GMPS: variants seen among roughly 807,000 people sequenced by gnomAD.
The protein encoded by GMPS is guanosine monophosphate synthase, also known as GMP synthase [glutamine-hydrolyzing].
A neutral mutation model predicts 77.9 loss-of-function variants in GMPS; 15 were observed. The observed-to-expected ratio is 0.19, with a 90% confidence interval of 0.13 to 0.30. The LOEUF (loss-of-function observed/expected upper bound fraction) is 0.30, where lower values mean the gene tolerates loss of function less well. Among genes scored for constraint, GMPS ranks in the 10% least tolerant of loss-of-function variants. The pLI is 1.00. For synonymous variants in GMPS, 224 were observed against 275.9 expected, an observed-to-expected ratio of 0.81 and a Z score of 1.86; for missense variants, 590 against 838.8, an observed-to-expected ratio of 0.70 and a Z score of 3.66.
At chr3:155,912,975 G>A (rs1182206484) in intron 7 of GMPS, among the ~76,000 whole-genome samples, 2 of 152,220 alleles carry the variant, frequency 1.3e-5, no homozygotes, top group African/African-American at 2.4e-5. Flanking sequence ...TCAGAACACT[G>A]TGGATGTATT....
At chr3:155,882,231 A>T (rs1212030570) in intron 1 of GMPS, among the ~76,000 whole-genome samples, 2 of 152,252 alleles carry the variant, frequency 1.3e-5, no homozygotes, top group African/African-American at 4.8e-5. Flanking sequence ...TGATAAAATC[A>T]TGGATACAGG....
chr3:155,928,017 C>T (rs1755498760), intron 12 of GMPS, among the ~76,000 whole-genome samples: 1 of 124,900 alleles, frequency 8.0e-6, no homozygotes, highest in Non-Finnish European at 1.6e-5. Context: ...GTGCATTTTA[C>T]ACTTTTTTTT....
intron 1 of GMPS, among the ~76,000 whole-genome samples, chr3:155,879,774 G>T (rs1194767974): frequency 5.6e-5 from 6 of 106,856 alleles, no homozygotes; most frequent in Non-Finnish European, 1.1e-4. Context: ...ACTGTTCCCC[G>T]GGCTGGAGTG....
chr3:155,925,375 T>G lies in GMPS; in HGVS notation c.1560+9T>G, dbSNP rs2108131628. On this transcript the variant is annotated intron_variant, in intron 12 of 15. Coordinates refer to ENST00000496455, the MANE Select transcript of GMPS (RefSeq NM_003875.3). ...AAACTGTAGGTGTGCAGGTGAGTTG[T>G]GTGAATTCATTCACCAGTGATATAC... is the stretch of plus-strand genomic sequence containing the variant. 1.3e-6 allele frequency: 2 copies of G among 1,589,992 alleles called. No homozygotes were observed. The highest frequency in any genetic ancestry group is 2.3e-5 in the South Asian group (2 of 87,100).
chr3:155,884,562 C>T (rs552944394), intron 1 of GMPS, among the ~76,000 whole-genome samples: 15 of 152,118 alleles, frequency 9.9e-5, no homozygotes, highest in South Asian at 8.3e-4. Flanking sequence ...AATTGAAACT[C>T]GAGGGGAAAA....
At chr3:155,888,246 G>A (rs1210399152) in intron 1 of GMPS, among the ~76,000 whole-genome samples, 2 of 146,836 alleles carry the variant, frequency 1.4e-5, no homozygotes, top group South Asian at 2.1e-4. Flanking sequence ...TTTTGTTGGA[G>A]TATGTTTTAG....
At chr3:155,926,308 G>A (rs1755453798) in intron 12 of GMPS, among the ~76,000 whole-genome samples, 1 of 152,108 alleles carries the variant, frequency 6.6e-6, no homozygotes, top group African/African-American at 2.4e-5. Context: ...CACTGTACCC[G>A]GCCTTCTTTA....
In GMPS at chr3:155,911,259, A is replaced by T; in HGVS notation, c.866A>T (p.Lys289Met). ...CAGTCTGTTGAAGAGGCCCTCAAAAAGCTTGGAATTCAGGTCAAAGGTATT... is the reference window on the plus strand; with the variant it reads ...CAGTCTGTTGAAGAGGCCCTCAAAATGCTTGGAATTCAGGTCAAAGGTATT... ...ESQSVEEALK[K>M]LGIQVKVINA... The change falls in exon 7 of 16, where the codon AAG becomes ATG. Residue 289 changes from lysine (K) to methionine (M), a missense_variant. Physicochemically the swap from Lys to Met is moderately conservative, Grantham distance 95. Coordinates refer to ENST00000496455, the MANE Select transcript of GMPS (RefSeq NM_003875.3). 1 of 1,608,390 alleles carries T rather than the reference A, an allele frequency of 6.2e-7. No homozygotes were observed. Among genetic ancestry groups the T allele is most frequent in the Non-Finnish European group, 8.5e-7 (1 of 1,178,016 alleles).
rs370666457 is a variant in GMPS at position 155,889,716 on chromosome 3, A to G, written c.28-3802A>G. On this transcript the variant is annotated intron_variant, in intron 1 of 15. Coordinates refer to ENST00000496455, the MANE Select transcript of GMPS (RefSeq NM_003875.3). ...CATCTCCACTTTTCCAGAATCTGCT[A>G]GATCTTCTTACCCTATTCTTAAAGA... Among the ~76,000 whole-genome samples, 6 of 152,346 alleles carry G rather than the reference A, an allele frequency of 3.9e-5. No homozygotes were observed. The South Asian group carries it at 1.0e-3, about 26-fold the overall frequency.
chr3:155,902,549 A>G (rs73011135), intron 3 of GMPS, among the ~76,000 whole-genome samples: 1 of 152,350 alleles, frequency 6.6e-6, no homozygotes, highest in African/African-American at 2.4e-5. Flanking sequence ...AGTATTGTCT[A>G]TGGATGCTTT....
At chr3:155,878,860 T>G (rs1172188249) in intron 1 of GMPS, among the ~76,000 whole-genome samples, 1 of 151,726 alleles carries the variant, frequency 6.6e-6, no homozygotes, top group African/African-American at 2.4e-5. Context: ...GGTGTAATTC[T>G]CAGTGTGAGT....
rs1755761960 is a variant in GMPS, at chr3:155,936,205, A to ATTTTT, written c.1808-132_1808-131insTTTTT. On this transcript the variant is annotated intron_variant, in intron 14 of 15. Coordinates refer to ENST00000496455, the MANE Select transcript of GMPS (RefSeq NM_003875.3). ...AATGCTCTGCGAGTAGCTGAAATCA[A>ATTTTT]TGCATGATGACAGTCTTAACTACGC... is the stretch of plus-strand genomic sequence containing the variant. 4.9e-6 allele frequency: 3 copies of ATTTTT among 618,144 alleles called. No homozygotes were observed. In the East Asian group the frequency reaches 8.1e-5, roughly 17 times the overall value. The allele number at this position is 618,144 out of a possible 1,614,324, so 38.3% of individuals were successfully genotyped here.
chr3:155,908,192 G>C (rs529803959), intron 5 of GMPS, among the ~76,000 whole-genome samples: 3 of 152,350 alleles, frequency 2.0e-5, no homozygotes, highest in African/African-American at 7.2e-5. Context: ...AGTAGTGATA[G>C]ATGCAGGAGG....
chr3:155,905,568 G>A (rs530063066), intron 4 of GMPS, among the ~76,000 whole-genome samples: 65 of 152,212 alleles, frequency 4.3e-4, no homozygotes, highest in African/African-American at 1.5e-3. Flanking sequence ...TTTTAGAATT[G>A]GGAAACAGAA....
At chr3:155,879,332 A>G (rs1376561420) in intron 1 of GMPS, among the ~76,000 whole-genome samples, 2 of 131,048 alleles carry the variant, frequency 1.5e-5, no homozygotes, top group African/African-American at 3.0e-5. Flanking sequence ...CAGTGGTGCT[A>G]TCTCAGCTCA....
At chr3:155,873,531 G>T (rs1753951306) in intron 1 of GMPS, among the ~76,000 whole-genome samples, 1 of 151,928 alleles carries the variant, frequency 6.6e-6, no homozygotes, top group South Asian at 2.1e-4. Flanking sequence ...CAAAGTGCTG[G>T]GATTACAGTA....
intron 1 of GMPS, among the ~76,000 whole-genome samples, chr3:155,878,880 T>C (rs946944064): frequency 6.7e-6 from 1 of 150,328 alleles, no homozygotes; most frequent in South Asian, 2.1e-4. Context: ...TCTGAAGGCC[T>C]GAGAACCTTG....
chr3:155,943,023 G>A lies in GMPS; in HGVS notation c.*5331G>A, dbSNP rs1755929773. 5.6e-6 allele frequency: 1 copy of A among 178,590 alleles called. No homozygotes were observed. Among genetic ancestry groups the A allele is most frequent in the Non-Finnish European group, 1.2e-5 (1 of 83,344 alleles). The allele number at this position is 178,590 out of a possible 1,614,324, so 11.1% of individuals were successfully genotyped here. ...AGGCGGGCGGATCTCTTGAGGTCAG[G>A]AGTTTGAGACCAGCGTGGCCAACAT... On this transcript the variant is annotated 3_prime_UTR_variant, in exon 16 of 16. Coordinates refer to ENST00000496455, the MANE Select transcript of GMPS (RefSeq NM_003875.3).
chr3:155,884,905 A>C (rs951737442), intron 1 of GMPS, among the ~76,000 whole-genome samples: 1 of 152,188 alleles, frequency 6.6e-6, no homozygotes, highest in African/African-American at 2.4e-5. Context: ...TATTCTGGGA[A>C]GGTGCCCACA....
Sources: allele counts gnomAD v4.1 joint callset (sites outside exome capture counted in the v4.1 genomes callset), GRCh38; gene constraint gnomAD v4.1.1; transcripts MANE v1.5; gene names NCBI Gene and HGNC (gene_info 2026-07-23, HGNC 2026-07-21).